The following EPS8L3 variants were observed in gnomAD, a reference collection of about 807,000 sequenced individuals.
EPS8L3 encodes the protein epidermal growth factor receptor kinase substrate 8-like protein 3.
EPS8L3 carries 80 observed loss-of-function variants against 88.5 expected under a neutral mutation model. That is an observed-to-expected ratio of 0.90 (90% CI 0.75 to 1.09). The LOEUF (loss-of-function observed/expected upper bound fraction) is 1.09, where lower values mean the gene tolerates loss of function less well. EPS8L3 is among the 50% of genes least tolerant of loss of function. The pLI, the probability that EPS8L3 is intolerant of heterozygous loss-of-function variation, is 0.00. For synonymous variants in EPS8L3, 286 were observed against 291.0 expected, an observed-to-expected ratio of 0.98 and a Z score of 0.18; for missense variants, 721 against 735.2, an observed-to-expected ratio of 0.98 and a Z score of 0.22.
rs777053657 is a variant in EPS8L3 at position 109,758,451 on chromosome 1, T to C, written c.602-20A>G. 1.3e-6 allele frequency: 2 copies of C among 1,581,866 alleles called. No homozygotes were observed. The highest frequency in any genetic ancestry group is 3.7e-5 in the Admixed American group (2 of 53,680). ...GGAGGCCTGCAGTGTAAGGGGACCA[T>C]GGACCTAGATCTTAGATCTTTGACT... is the stretch of plus-strand genomic sequence containing the variant. On this transcript the variant is annotated intron_variant, in intron 7 of 18. Coordinates refer to ENST00000361965, the MANE Select transcript of EPS8L3 (RefSeq NM_133181.4).
intron 11 of EPS8L3, 138 bp downstream of exon 11, chr1:109,757,343 C>A (rs1280565752): frequency 1.8e-5 from 20 of 1,141,560 alleles, no homozygotes; most frequent in Non-Finnish European, 2.5e-5. Flanking sequence ...GCCTTGGCGT[C>A]CTTGGCTCTG....
chr1:109,755,425 A>G (rs1341674329), intron 12 of EPS8L3, among the ~76,000 whole-genome samples: 1 of 152,244 alleles, frequency 6.6e-6, no homozygotes, highest in Non-Finnish European at 1.5e-5. Flanking sequence ...ATATTATACC[A>G]TAATAAAAAA....
intron 12 of EPS8L3, among the ~76,000 whole-genome samples, chr1:109,756,457 C>G (rs1035689869): frequency 6.6e-6 from 1 of 152,196 alleles, no homozygotes; most frequent in East Asian, 1.9e-4. Context: ...AGGATGGTCT[C>G]GAACTCCTGA....
At chr1:109,761,435 G>A in intron 3 of EPS8L3, 60 bp downstream of exon 3, 1 of 1,457,302 alleles carries the variant, frequency 6.9e-7, no homozygotes, top group Non-Finnish European at 9.5e-7. Flanking sequence ...GCAGGGCGGT[G>A]GGCACATGGG....
rs570854455 is a variant in EPS8L3 at position 109,757,847 on chromosome 1, C to T, written c.849G>A (p.Gln283=). The T allele has an allele frequency of 2.5e-6, 4 of 1,614,194 alleles. No individual in the cohort carries two copies. The East Asian group carries it at 6.7e-5, about 27-fold the overall frequency. Residue 283 remains glutamine, a synonymous_variant, in exon 10 of 19, where the codon CAG becomes CAA. Coordinates refer to ENST00000361965, the MANE Select transcript of EPS8L3 (RefSeq NM_133181.4). ...TGATCTTCTGGAAGCAGTCAATGTA[C>T]TGTGCCTGGGTGAGACCTGGGAGAA... ...NKDQGGLTQA[Q]YIDCFQKIKH...
Position 109,761,516 on chromosome 1 carries a change from G to T in EPS8L3, c.75C>A (p.Thr25=). The T allele has an allele frequency of 6.2e-7, 1 of 1,613,376 alleles. No individual in the cohort carries two copies. The highest frequency in any genetic ancestry group is 8.5e-7 in the Non-Finnish European group (1 of 1,179,560). The change falls in exon 3 of 19, where the codon ACC becomes ACA. Residue 25 remains threonine, a synonymous_variant. Coordinates refer to ENST00000361965, the MANE Select transcript of EPS8L3 (RefSeq NM_133181.4). ...TCACCTCCACCCTGTGCTGCAGGAG[G>T]GTGGGCTCTGAGGTGAGGTTCTGGG... ...EYSQNLTSEP[T]LLQHRVEHLM... is the part of the protein sequence containing the mutation.
rs1213503732 is a variant in EPS8L3 at position 109,758,362 on chromosome 1, G to A, written c.671C>T (p.Pro224Leu). 2 of 1,613,460 alleles carry A rather than the reference G, an allele frequency of 1.2e-6. No individual in the cohort carries two copies. Among genetic ancestry groups the A allele is most frequent in the Non-Finnish European group, 1.7e-6 (2 of 1,179,846 alleles). The part of the protein sequence containing the change: ...SAREPSAFTL[P>L]PPRRSSSPED... The stretch of plus-strand genomic sequence containing the variant: ...GGGGGAAGAGGACCGCCTTGGAGGA[G>A]GCAGAGTAAAGGCACTTGGTTCTCG... The change falls in exon 8 of 19, where the codon CCT (proline) becomes CTT (leucine). Residue 224 changes from proline to leucine, a missense_variant. Transcript: ENST00000361965.
intron 1 of EPS8L3, among the ~76,000 whole-genome samples, chr1:109,763,319 C>T (rs764523791): frequency 1.2e-4 from 18 of 152,054 alleles, no homozygotes; most frequent in Admixed American, 3.3e-4. Context: ...CCTGCTTCTC[C>T]ATGCTCTCCA....
intron 12 of EPS8L3, among the ~76,000 whole-genome samples, chr1:109,754,328 A>G (rs1380119376): frequency 1.3e-5 from 2 of 152,244 alleles, no homozygotes; most frequent in Non-Finnish European, 2.9e-5. Flanking sequence ...CTGGATGACC[A>G]CAACATTTAG....
Position 109,758,341 on chromosome 1 carries a change from G to A in EPS8L3, c.692C>T (p.Ser231Phe), listed in dbSNP as rs762698952. 5 of 1,613,492 alleles carry A rather than the reference G, an allele frequency of 3.1e-6. No individual in the cohort carries two copies. The African/African-American group carries it at 4.0e-5, about 13-fold the overall frequency. The change falls in exon 8 of 19, where the codon TCC becomes TTC. Residue 231 changes from serine to phenylalanine, a missense_variant. Coordinates refer to ENST00000361965, the MANE Select transcript of EPS8L3 (RefSeq NM_133181.4). ...FTLPPPRRSS[S>F]PEDPERDEEV... ...CTCGTCCCTCTCTGGGTCCTCGGGG[G>A]AAGAGGACCGCCTTGGAGGAGGCAG...
chr1:109,750,715 G>T lies in EPS8L3; in HGVS notation c.1715C>A (p.Pro572Gln). 1 of 1,614,198 alleles carries T rather than the reference G, an allele frequency of 6.2e-7. No homozygotes were observed. Among genetic ancestry groups the T allele is most frequent in the Non-Finnish European group, 8.5e-7 (1 of 1,180,040 alleles). Residue 572 changes from proline (P) to glutamine (Q), a missense_variant, in exon 18 of 19, where the codon CCA becomes CAA. Coordinates refer to ENST00000361965, the MANE Select transcript of EPS8L3 (RefSeq NM_133181.4). The stretch of plus-strand genomic sequence containing the variant: ...GGACAGGATTCGTGGGGCCTCCTGT[G>T]GACATAGCATCTGTAGCTCCCCAGG... ...IRPGELQMLCPQEAPRILSRL... is the reference protein window; with the variant it reads ...IRPGELQMLCQQEAPRILSRL...
At position 109,759,458 on chromosome 1, in the gene EPS8L3, C is replaced by G. The variant is rs1424272969; in HGVS notation, c.256-71G>C. 1 of 1,582,872 alleles carries G rather than the reference C, an allele frequency of 6.3e-7. No individual in the cohort carries two copies. Among genetic ancestry groups the G allele is most frequent in the Admixed American group, 1.7e-5 (1 of 57,666 alleles). On this transcript the variant is annotated intron_variant, in intron 4 of 18. Transcript: ENST00000361965. The surrounding 1 kb of genome is among the most constrained non-coding windows in gnomAD (Gnocchi z 4.2). ...GTGGCTTCTGGGAGCTCCTGACCAGCTCATCCTAGCCCTTTGGTGGCCTAG... is the reference window on the plus strand; with the variant it reads ...GTGGCTTCTGGGAGCTCCTGACCAGGTCATCCTAGCCCTTTGGTGGCCTAG...
rs766453659 is a variant in EPS8L3 at position 109,759,785 on chromosome 1, C to T, written c.148G>A (p.Ala50Thr). Residue 50 changes from alanine (A) to threonine (T), a missense_variant, in exon 4 of 19, where the codon GCC becomes ACC. By Grantham distance (58) the Ala-to-Thr change is moderately conservative. Transcript: ENST00000361965. This position sits in a 1 kb window ranked among gnomAD's most constrained non-coding sequence, Gnocchi z 4.2. ...GSQRVQGPED[A>T]LQKLFEMDAQ... is the part of the protein sequence containing the mutation. ...TCCATCTCGAACAGCTTCTGCAAGG[C>T]ATCCTCGGGCCCCTGGACTCTCTGA... is the stretch of plus-strand genomic sequence containing the variant. 1 of 1,614,170 alleles carries T rather than the reference C, an allele frequency of 6.2e-7. No individual in the cohort carries two copies. Among genetic ancestry groups the T allele is most frequent in the Non-Finnish European group, 8.5e-7 (1 of 1,180,042 alleles).
chr1:109,760,333 G>T (rs111746824), intron 3 of EPS8L3, among the ~76,000 whole-genome samples: 6 of 152,054 alleles, frequency 3.9e-5, no homozygotes, highest in African/African-American at 1.4e-4. Flanking sequence ...CTCAGTCTCC[G>T]CTCAAGTCCT....
chr1:109,758,120 A>G, intron 8 of EPS8L3, 62 bp from the exon 9 acceptor site: 1 of 1,469,392 alleles, frequency 6.8e-7, no homozygotes, highest in Non-Finnish European at 9.5e-7. Context: ...AACTCCCCAC[A>G]CTGCCCCCCG....
chr1:109,752,281 G>C (rs950497278), intron 14 of EPS8L3, 88 bp from the exon 15 acceptor site: 1 of 1,307,086 alleles, frequency 7.7e-7, no homozygotes, highest in Non-Finnish European at 1.1e-6. Context: ...AGGTATCTCC[G>C]GCCTGCAGTC....
At chr1:109,763,371 C>G (rs1408594935) in intron 1 of EPS8L3, among the ~76,000 whole-genome samples, 1 of 152,080 alleles carries the variant, frequency 6.6e-6, no homozygotes, top group African/African-American at 2.4e-5. Context: ...CAGCCCCACT[C>G]CCCACTCCCT....
Position 109,757,047 on chromosome 1 carries a change from A to G in EPS8L3, c.1088T>C (p.Met363Thr). ...CLSPPESNLWMGLGPAWTTSR... is the reference protein window; with the variant it reads ...CLSPPESNLWTGLGPAWTTSR... ...AGTGGTCCAGGCTGGGCCCAACCCCATCCAAAGGTTACTCTCAGGTGGGCT... is the reference window on the plus strand; with the variant it reads ...AGTGGTCCAGGCTGGGCCCAACCCCGTCCAAAGGTTACTCTCAGGTGGGCT... Residue 363 changes from methionine (M) to threonine (T), a missense_variant, in exon 12 of 19, where the codon ATG (methionine) becomes ACG (threonine). Transcript: ENST00000361965. 6.2e-7 allele frequency: 1 copy of G among 1,614,194 alleles called. No individual in the cohort carries two copies. Among genetic ancestry groups the G allele is most frequent in the Non-Finnish European group, 8.5e-7 (1 of 1,180,026 alleles).
In EPS8L3 at chr1:109,759,535, C is replaced by T; in HGVS notation, c.255+143G>A. ...TGTGCCTCTGTCCCCAGCCTCTGTC[C>T]CCTGTCTCTTCCTAGGCTTGGGTGT... is the stretch of plus-strand genomic sequence containing the variant. On this transcript the variant is annotated intron_variant, in intron 4 of 18. Coordinates refer to ENST00000361965, the MANE Select transcript of EPS8L3 (RefSeq NM_133181.4). This position sits in a 1 kb window ranked among gnomAD's most constrained non-coding sequence, Gnocchi z 4.2. The T allele has an allele frequency of 6.7e-7, 1 of 1,486,548 alleles. No individual in the cohort carries two copies. The highest frequency in any genetic ancestry group is 9.1e-7 in the Non-Finnish European group (1 of 1,103,574). 92.1% of individuals were successfully genotyped at this position (1,486,548 alleles called of 1,614,324 possible).
Sources: gnomAD v4.1 joint callset for allele counts (sites outside exome capture counted in the v4.1 genomes callset) on GRCh38, gnomAD v4.1.1 for gene constraint, Gnocchi (gnomAD v3.1) non-coding constraint, MANE v1.5 for transcripts, NCBI Gene and HGNC (gene_info 2026-07-23, HGNC 2026-07-21) for gene names.